PRSS12: variants seen among roughly 807,000 people sequenced by gnomAD.
PRSS12 encodes the protein neurotrypsin.
A neutral mutation model predicts 104.4 loss-of-function variants in PRSS12; 85 were observed. That is an observed-to-expected ratio of 0.81 (90% CI 0.68 to 0.98). The LOEUF (loss-of-function observed/expected upper bound fraction) is 0.98, where lower values mean the gene tolerates loss of function less well. Ranked by LOEUF, PRSS12 falls within the 50% of genes least tolerant of loss-of-function variation. The pLI is 0.00. For synonymous variants in PRSS12, 454 were observed against 425.2 expected (o/e 1.07, Z -0.83); for missense variants, 1,141 against 1,139.2 (o/e 1.00, Z -0.02).
Position 118,282,037 on chromosome 4 carries a change from C to T in PRSS12, c.2527G>A (p.Val843Met), listed in dbSNP as rs1353619303. 4 of 1,613,984 alleles carry T rather than the reference C, an allele frequency of 2.5e-6. No homozygotes were observed. Among genetic ancestry groups the T allele is most frequent in the Admixed American group, 1.7e-5 (1 of 59,996 alleles). Reference protein sequence around the residue: ...RPGESWVVYGVTSWGYGCGVK... With the variant: ...RPGESWVVYGMTSWGYGCGVK... ...CCACAGCCATACCCCCAGGAGGTCA[C>T]CCCATACACCACCCAGCTCTCTCCG... Residue 843 changes from valine to methionine, a missense_variant, in exon 13 of 13, where the codon GTG becomes ATG. Physicochemically the swap from Val to Met is conservative, Grantham distance 21 (BLOSUM62 1). Transcript: ENST00000296498.
At chr4:118,302,852 G>A (rs1199411836) in intron 8 of PRSS12, among the ~76,000 whole-genome samples, 1 of 152,124 alleles carries the variant, frequency 6.6e-6, no homozygotes, top group Admixed American at 6.6e-5. Context: ...TAAGATTGTT[G>A]AGATTGTTGT....
intron 6 of PRSS12, among the ~76,000 whole-genome samples, chr4:118,314,689 ACAAT>A (rs2126034331): frequency 6.6e-6 from 1 of 152,262 alleles, no homozygotes; most frequent in South Asian, 2.1e-4. Flanking sequence ...ACCTTCTAAC[ACAAT>A]CATTTAGAGC....
At position 118,308,295 on chromosome 4, in the gene PRSS12, T is replaced by TG. The variant is rs2126032113; in HGVS notation, c.1631+140dup. ...TCTACTTATTACTTCTTTATAATTC[T>TG]GGATCAAATCAATATGCTGCCAGTA... On this transcript the variant is annotated intron_variant, in intron 8 of 12. Transcript: ENST00000296498. 2.6e-6 allele frequency: 3 copies of TG among 1,156,100 alleles called. No homozygotes were observed. In the East Asian group the frequency reaches 7.3e-5, roughly 28 times the overall value. The allele number at this position is 1,156,100 out of a possible 1,614,324, so 71.6% of individuals were successfully genotyped here.
intron 1 of PRSS12, among the ~76,000 whole-genome samples, chr4:118,351,347 C>CAA (rs200272121): frequency 2.1e-4 from 30 of 139,724 alleles, no homozygotes; most frequent in East Asian, 1.6e-3. Flanking sequence ...AGTTTTTAAA[C>CAA]AAAAAAAAAA....
intron 11 of PRSS12, among the ~76,000 whole-genome samples, chr4:118,283,864 T>C (rs1742952581): frequency 6.6e-6 from 1 of 152,176 alleles, no homozygotes; most frequent in South Asian, 2.1e-4. Context: ...CTATTCCAGG[T>C]CAGAGATATC....
At chr4:118,325,637 ACT>A (rs1419643489) in intron 4 of PRSS12, among the ~76,000 whole-genome samples, 1 of 152,016 alleles carries the variant, frequency 6.6e-6, no homozygotes, top group Non-Finnish European at 1.5e-5. Flanking sequence ...ATAATTGATG[ACT>A]CTGCTTTTAA....
intron 11 of PRSS12, among the ~76,000 whole-genome samples, chr4:118,290,509 CCTA>C (rs796755092): frequency 9.2e-5 from 14 of 152,190 alleles, no homozygotes; most frequent in African/African-American, 2.9e-4. Context: ...TCCTCAGTTC[CCTA>C]CTTTCACTAA....
At chr4:118,308,310 T>C (rs1743608809) in intron 8 of PRSS12, 126 bp downstream of exon 8, 1 of 1,287,060 alleles carries the variant, frequency 7.8e-7, no homozygotes, top group Non-Finnish European at 1.1e-6. Flanking sequence ...CAAATCAATA[T>C]GCTGCCAGTA....
At chr4:118,347,369 C>G (rs775245609) in intron 1 of PRSS12, among the ~76,000 whole-genome samples, 7 of 152,166 alleles carry the variant, frequency 4.6e-5, no homozygotes, top group Non-Finnish European at 1.0e-4. Flanking sequence ...AGTACTTGGT[C>G]CACATGTCCT....
intron 4 of PRSS12, among the ~76,000 whole-genome samples, chr4:118,331,365 T>G (rs541939863): frequency 1.3e-5 from 2 of 152,320 alleles, no homozygotes; most frequent in South Asian, 2.1e-4. Context: ...GAAGTTAAAT[T>G]TGAGTTACAA....
At chr4:118,294,250 C>G (rs1294067329) in intron 11 of PRSS12, among the ~76,000 whole-genome samples, 1 of 152,052 alleles carries the variant, frequency 6.6e-6, no homozygotes, top group Non-Finnish European at 1.5e-5. Context: ...TAATAATTAT[C>G]AATATTTTGA....
At chr4:118,318,349 C>A (rs1397160178) in intron 5 of PRSS12, 29 bp downstream of exon 5, 1 of 1,611,094 alleles carries the variant, frequency 6.2e-7, no homozygotes, top group Non-Finnish European at 8.5e-7. Flanking sequence ...GGGGCAAGAA[C>A]TGGTACACTA....
At chr4:118,331,365 T>C (rs541939863) in intron 4 of PRSS12, among the ~76,000 whole-genome samples, 2 of 152,202 alleles carry the variant, frequency 1.3e-5, no homozygotes, top group African/African-American at 4.8e-5. Context: ...GAAGTTAAAT[T>C]TGAGTTACAA....
chr4:118,332,018 A>G, intron 3 of PRSS12, 152 bp from the exon 4 acceptor site: 1 of 943,464 alleles, frequency 1.1e-6, no homozygotes, highest in Non-Finnish European at 1.6e-6. Context: ...TATATCTAAT[A>G]TATTATGGTA....
chr4:118,287,474 T>G (rs990632822), intron 11 of PRSS12, among the ~76,000 whole-genome samples: 1 of 152,166 alleles, frequency 6.6e-6, no homozygotes, highest in African/African-American at 2.4e-5. Flanking sequence ...TGTCCTAATT[T>G]AGGGAAATGT....
At chr4:118,309,718 A>G (rs907697432) in intron 7 of PRSS12, among the ~76,000 whole-genome samples, 7 of 152,242 alleles carry the variant, frequency 4.6e-5, no homozygotes, top group Admixed American at 3.9e-4. Context: ...AGGGAATACA[A>G]TAAAGCATGG....
In PRSS12 at chr4:118,352,516, G is replaced by C. The variant is rs950613574; in HGVS notation, c.205C>G (p.Pro69Ala). Residue 69 changes from proline (P) to alanine (A), a missense_variant, in exon 1 of 13, where the codon CCG becomes GCG. Coordinates refer to ENST00000296498, the MANE Select transcript of PRSS12 (RefSeq NM_003619.4). ...GGGCGCTGGGCAGGGAGCGCCCGCG[G>C]GGGGCGCGGGAAGCGCGGGAGAGGC... is the stretch of plus-strand genomic sequence containing the variant. ...PPPLPRFPRP[P>A]RALPAQRPHA... The C allele has an allele frequency of 2.1e-6, 3 of 1,457,186 alleles. No homozygotes were observed. The highest frequency in any genetic ancestry group is 2.9e-5 in the African/African-American group (2 of 67,998). The allele number at this position is 1,457,186 out of a possible 1,614,324, so 90.3% of individuals were successfully genotyped here. A position where few individuals can be genotyped will look rare whatever the true frequency, so the allele number is the denominator to read the frequency against.
chr4:118,333,654 G>A (rs938353907), intron 3 of PRSS12, among the ~76,000 whole-genome samples: 1 of 152,232 alleles, frequency 6.6e-6, no homozygotes, highest in African/African-American at 2.4e-5. Context: ...CACCTGTTAA[G>A]CTTGGAGAAA....
At chr4:118,303,689 G>T (rs899839437) in intron 8 of PRSS12, 2 of 151,834 alleles carry the variant, frequency 1.3e-5, no homozygotes, top group Non-Finnish European at 2.9e-5. Context: ...ACTTTCCAAG[G>T]GATACACAGG....
Sources: allele counts gnomAD v4.1 joint callset (sites outside exome capture counted in the v4.1 genomes callset), GRCh38; gene constraint gnomAD v4.1.1; transcripts MANE v1.5; gene names NCBI Gene and HGNC (gene_info 2026-07-23, HGNC 2026-07-21).